Variants in NOL6 observed in about 807,000 individuals in gnomAD.
NOL6 encodes nucleolar protein 6, also known as nucleolar RNA-associated protein.
In NOL6, 33 loss-of-function variants were observed where a neutral mutation model predicts 131.7. The ratio of observed to expected loss-of-function variants is 0.25; its 90% confidence interval spans 0.19 to 0.33. NOL6 has a LOEUF of 0.33. Among genes scored for constraint, NOL6 ranks in the 10% least tolerant of loss-of-function variants. NOL6 has a pLI of 1.00. For synonymous variants in NOL6, 580 were observed against 605.7 expected, an observed-to-expected ratio of 0.96 and a Z score of 0.62; for missense variants, 1,297 against 1,494.5, an observed-to-expected ratio of 0.87 and a Z score of 2.18.
In NOL6 at chr9:33,467,942, C is replaced by T. The variant is rs1191027455; in HGVS notation, c.1425-74G>A. On this transcript the variant is annotated intron_variant, in intron 11 of 25. Transcript: ENST00000297990. This position sits in a 1 kb window ranked among gnomAD's most constrained non-coding sequence, Gnocchi z 4.4. ...TAGTACCACCTCCTCCCTGAATGATCTGAGCACCTGTCTGAAGACCTTTGC... is the reference window on the plus strand; with the variant it reads ...TAGTACCACCTCCTCCCTGAATGATTTGAGCACCTGTCTGAAGACCTTTGC... The T allele has an allele frequency of 6.2e-6, 10 of 1,601,932 alleles. No individual in the cohort carries two copies. The highest frequency in any genetic ancestry group is 8.5e-6 in the Non-Finnish European group (10 of 1,172,186).
rs1482650124 is a variant in NOL6 at position 33,463,154 on chromosome 9, A to G, written c.3190-20T>C. ...GGCCTCCTAGAAAGGGACAGAACAGAGAAGATTATAGGCAGGCATTTAAGA... is the reference window on the plus strand; with the variant it reads ...GGCCTCCTAGAAAGGGACAGAACAGGGAAGATTATAGGCAGGCATTTAAGA... On this transcript the variant is annotated intron_variant, in intron 24 of 25. Transcript: ENST00000297990. 5 of 1,610,004 alleles carry G rather than the reference A, an allele frequency of 3.1e-6. No homozygotes were observed. In the Admixed American group the frequency reaches 6.7e-5, roughly 22 times the overall value.
chr9:33,467,020 T>G lies in NOL6; in HGVS notation c.1875-33A>C, dbSNP rs145937351. 7 of 1,613,802 alleles carry G rather than the reference T, an allele frequency of 4.3e-6. No individual in the cohort carries two copies. Among genetic ancestry groups the G allele is most frequent in the Non-Finnish European group, 5.9e-6 (7 of 1,179,922 alleles). On this transcript the variant is annotated intron_variant, in intron 14 of 25. Coordinates refer to ENST00000297990, the MANE Select transcript of NOL6 (RefSeq NM_022917.5). This position sits in a 1 kb window ranked among gnomAD's most constrained non-coding sequence, Gnocchi z 4.4. ...AGAGGCAGAGACACAGTGAGAAAAT[T>G]TGGGGCTATGTTCTCGCTCAACTGC... is the stretch of plus-strand genomic sequence containing the variant.
chr9:33,464,705 G>C (rs891103035), intron 21 of NOL6, among the ~76,000 whole-genome samples, 174 bp downstream of exon 21: 3 of 152,148 alleles, frequency 2.0e-5, no homozygotes, highest in African/African-American at 7.2e-5. Context: ...TGACAATTAA[G>C]AGCAAACCAT....
At chr9:33,463,575 G>A (rs1827159963) in intron 23 of NOL6, 134 bp from the exon 24 acceptor site, 1 of 849,420 alleles carries the variant, frequency 1.2e-6, no homozygotes, top group Non-Finnish European at 1.8e-6. Context: ...CCCATTTGAA[G>A]ACTGAAGCAC....
Position 33,472,072 on chromosome 9 carries a change from G to T in NOL6, c.310C>A (p.Arg104=), listed in dbSNP as rs200981776. ...EVRLSEKKKD[R]IDAFLREVNQ... ...ACCTCCCGTAGGAAGGCATCAATCCGATCCTTCTTCTTCTCTGACAGCCTT... is the reference window on the plus strand; with the variant it reads ...ACCTCCCGTAGGAAGGCATCAATCCTATCCTTCTTCTTCTCTGACAGCCTT... The change falls in exon 3 of 26, where the codon CGG becomes AGG. Residue 104 remains arginine, a synonymous_variant. Transcript: ENST00000297990. 1 of 1,613,916 alleles carries T rather than the reference G, an allele frequency of 6.2e-7. No individual in the cohort carries two copies. Among genetic ancestry groups the T allele is most frequent in the South Asian group, 1.1e-5 (1 of 91,062 alleles).
At position 33,467,990 on chromosome 9, in the gene NOL6, G is replaced by A. The variant is rs1383579126; in HGVS notation, c.1424+40C>T. ...TGCCCCACCACTGTAGCCCCGAAGAGACAGGACCCGCCAACATACCCTGTC... is the reference window on the plus strand; with the variant it reads ...TGCCCCACCACTGTAGCCCCGAAGAAACAGGACCCGCCAACATACCCTGTC... On this transcript the variant is annotated intron_variant, in intron 11 of 25. Coordinates refer to ENST00000297990, the MANE Select transcript of NOL6 (RefSeq NM_022917.5). This position sits in a 1 kb window ranked among gnomAD's most constrained non-coding sequence, Gnocchi z 4.4. 1 of 1,613,900 alleles carries A rather than the reference G, an allele frequency of 6.2e-7. No individual in the cohort carries two copies.
Position 33,465,471 on chromosome 9 carries a change from T to C in NOL6, c.2529-112A>G, listed in dbSNP as rs571931236. ...AATAGGTTACATATGTAATCTCATATTCTCTTAAGAAATGCACCAAGAAGT... is the reference window on the plus strand; with the variant it reads ...AATAGGTTACATATGTAATCTCATACTCTCTTAAGAAATGCACCAAGAAGT... On this transcript the variant is annotated intron_variant, in intron 19 of 25. Coordinates refer to ENST00000297990, the MANE Select transcript of NOL6 (RefSeq NM_022917.5). The C allele has an allele frequency of 2.4e-4, 313 of 1,279,786 alleles. No homozygotes were observed. In the South Asian group the frequency reaches 4.6e-3, roughly 19 times the overall value. The allele number at this position is 1,279,786 out of a possible 1,614,324, so 79.3% of individuals were successfully genotyped here. A position where few individuals can be genotyped will look rare whatever the true frequency, so the allele number is the denominator to read the frequency against.
Position 33,467,264 on chromosome 9 carries a change from T to C in NOL6, c.1726-2A>G, listed in dbSNP as rs771945167. 6.2e-7 allele frequency: 1 copy of C among 1,614,084 alleles called. No homozygotes were observed. Among genetic ancestry groups the C allele is most frequent in the Non-Finnish European group, 8.5e-7 (1 of 1,179,958 alleles). On this transcript the variant is annotated splice_acceptor_variant, in intron 13 of 25. Transcript: ENST00000297990. LOFTEE classifies it high-confidence loss of function. This position sits in a 1 kb window ranked among gnomAD's most constrained non-coding sequence, Gnocchi z 4.4. ...CCAGAACTGGCGGAATTTAGCAGCCTGAGGAGGCAAGGGTGGTAGTAGAGC... is the reference window on the plus strand; with the variant it reads ...CCAGAACTGGCGGAATTTAGCAGCCCGAGGAGGCAAGGGTGGTAGTAGAGC...
rs1827158582 is a variant in NOL6 at position 33,463,529 on chromosome 9, C to T, written c.2995-88G>A. 19 of 1,245,798 alleles carry T rather than the reference C, an allele frequency of 1.5e-5. No homozygotes were observed. The South Asian group carries it at 2.4e-4, about 16-fold the overall frequency. 77.2% of individuals were successfully genotyped at this position (1,245,798 alleles called of 1,614,324 possible). ...CTCTCCACACGCCCACCTTGGTTTCCTCCTTCCATCTGACCACCCTCTATG... is the reference window on the plus strand; with the variant it reads ...CTCTCCACACGCCCACCTTGGTTTCTTCCTTCCATCTGACCACCCTCTATG... On this transcript the variant is annotated intron_variant, in intron 23 of 25. Transcript: ENST00000297990.
In NOL6 at chr9:33,462,208, C is replaced by T. The variant is rs755913718; in HGVS notation, c.*456G>A. The T allele has an allele frequency of 5.6e-6, 4 of 717,398 alleles. No homozygotes were observed. In the South Asian group the frequency reaches 5.9e-5, roughly 11 times the overall value. The allele number at this position is 717,398 out of a possible 1,614,324, so 44.4% of individuals were successfully genotyped here. On this transcript the variant is annotated 3_prime_UTR_variant, in exon 26 of 26. Transcript: ENST00000297990. ...CAGAAGGGCCACATTTTCGCTGGGTCCCATCTAAAGGCCTGACACTGCAGT... is the reference window on the plus strand; with the variant it reads ...CAGAAGGGCCACATTTTCGCTGGGTTCCATCTAAAGGCCTGACACTGCAGT...
chr9:33,469,838 G>A, intron 4 of NOL6, 171 bp from the exon 5 acceptor site: 1 of 1,026,524 alleles, frequency 9.7e-7, no homozygotes, highest in South Asian at 1.7e-5. Context: ...AGCTCCAAAA[G>A]GACAGCAACT....
chr9:33,466,754 C>T (rs911651164), intron 15 of NOL6, 45 bp from the exon 16 acceptor site: 11 of 1,605,882 alleles, frequency 6.8e-6, no homozygotes, highest in Non-Finnish European at 9.4e-6. Flanking sequence ...TACAGAAGGC[C>T]AGCTTCACCT....
rs200900987 is a variant in NOL6, at chr9:33,469,078, C to T, written c.906G>A (p.Leu302=). 51 of 1,614,216 alleles carry T rather than the reference C, an allele frequency of 3.2e-5. No individual in the cohort carries two copies. The Admixed American group carries it at 6.0e-4, about 19-fold the overall frequency. The change falls in exon 7 of 26, where the codon CTG becomes CTA. Residue 302 remains leucine, a synonymous_variant. Transcript: ENST00000297990. ...PPTPRYNTWV[L]QDTVLESHLQ... is the part of the protein sequence containing the mutation. ...AATGGGACTCGAGAACTGTATCTTGCAGGACCCATGTGTTATAGCGGGGGG... is the reference window on the plus strand; with the variant it reads ...AATGGGACTCGAGAACTGTATCTTGTAGGACCCATGTGTTATAGCGGGGGG...
Position 33,468,477 on chromosome 9 carries a change from C to CT in NOL6, c.1206+30dup. 1.9e-6 allele frequency: 3 copies of CT among 1,613,916 alleles called. No homozygotes were observed. The East Asian group carries it at 6.7e-5, about 36-fold the overall frequency. ...GATTGGCACCTTACTTGCAGGCCTCCTGGCATAGACCTGGCCCTTCCCCAA... is the reference window on the plus strand; with the variant it reads ...GATTGGCACCTTACTTGCAGGCCTCCTTGGCATAGACCTGGCCCTTCCCCAA... On this transcript the variant is annotated intron_variant, in intron 9 of 25. Coordinates refer to ENST00000297990, the MANE Select transcript of NOL6 (RefSeq NM_022917.5).
intron 19 of NOL6, 107 bp from the exon 20 acceptor site, chr9:33,465,466 TC>T: frequency 3.9e-6 from 5 of 1,289,532 alleles, no homozygotes; most frequent in Non-Finnish European, 5.3e-6. Context: ...ATATGTAATC[TC>T]ATATTCTCTT....
chr9:33,462,209 C>T lies in NOL6; in HGVS notation c.*455G>A, dbSNP rs1265968338. The stretch of plus-strand genomic sequence containing the variant: ...AGAAGGGCCACATTTTCGCTGGGTC[C>T]CATCTAAAGGCCTGACACTGCAGTG... On this transcript the variant is annotated 3_prime_UTR_variant, in exon 26 of 26. Coordinates refer to ENST00000297990, the MANE Select transcript of NOL6 (RefSeq NM_022917.5). 1.4e-6 allele frequency: 1 copy of T among 717,402 alleles called. No homozygotes were observed. The highest frequency in any genetic ancestry group is 2.0e-5 in the Admixed American group (1 of 50,030). The allele number at this position is 717,402 out of a possible 1,614,324, so 44.4% of individuals were successfully genotyped here.
Position 33,466,401 on chromosome 9 carries a change from G to C in NOL6, c.2116C>G (p.Pro706Ala), listed in dbSNP as rs750949735. 7 of 1,614,130 alleles carry C rather than the reference G, an allele frequency of 4.3e-6. No homozygotes were observed. The highest frequency in any genetic ancestry group is 3.3e-5 in the South Asian group (3 of 91,090). The change falls in exon 17 of 26, where the codon CCA becomes GCA. Residue 706 changes from proline to alanine, a missense_variant. Pro to Ala is a conservative substitution (Grantham distance 27). Transcript: ENST00000297990. ...AGAGTCTCATAGAAGGAGAAGGCTGGACGGACTGGAGTTGGTGGGAACACC... is the reference window on the plus strand; with the variant it reads ...AGAGTCTCATAGAAGGAGAAGGCTGCACGGACTGGAGTTGGTGGGAACACC... ...TEVFPPTPVR[P>A]AFSFYETLRE...
At position 33,467,072 on chromosome 9, in the gene NOL6, C is replaced by G. The variant is rs1418797294; in HGVS notation, c.1874+42G>C. 1 of 1,613,370 alleles carries G rather than the reference C, an allele frequency of 6.2e-7. No homozygotes were observed. On this transcript the variant is annotated intron_variant, in intron 14 of 25. Transcript: ENST00000297990. This position sits in a 1 kb window ranked among gnomAD's most constrained non-coding sequence, Gnocchi z 4.4. ...TGGGCCAGACCCCTGAAAAGGCTCC[C>G]CAGCCCACACTGCCTTCTGGAATCC...
At chr9:33,465,076 G>T in intron 20 of NOL6, 100 bp from the exon 21 acceptor site, 1 of 1,440,160 alleles carries the variant, frequency 6.9e-7, no homozygotes, top group South Asian at 1.2e-5. Flanking sequence ...GATTGGCAGG[G>T]CAGGGCATCT....
Sources: gnomAD v4.1 joint callset for allele counts (sites outside exome capture counted in the v4.1 genomes callset) on GRCh38, gnomAD v4.1.1 for gene constraint, Gnocchi (gnomAD v3.1) non-coding constraint, MANE v1.5 for transcripts, NCBI Gene and HGNC (gene_info 2026-07-23, HGNC 2026-07-21) for gene names.